The following RTN4R variants were observed in gnomAD, a reference collection of about 807,000 sequenced individuals.
The protein encoded by RTN4R is reticulon 4 receptor.
In RTN4R, 4 loss-of-function variants were observed where a neutral mutation model predicts 27.7. That is an observed-to-expected ratio of 0.14 (90% CI 0.07 to 0.33). The LOEUF (loss-of-function observed/expected upper bound fraction) is 0.33. Among genes scored for constraint, RTN4R ranks in the 10% least tolerant of loss-of-function variants. RTN4R has a pLI of 1.00. For missense variants in RTN4R, 554 were observed against 671.5 expected, an observed-to-expected ratio of 0.83 and a Z score of 1.93; for synonymous variants, 290 against 305.6, an observed-to-expected ratio of 0.95 and a Z score of 0.53.
intron 1 of RTN4R, among the ~76,000 whole-genome samples, chr22:20,266,553 C>T (rs1367722840): frequency 2.0e-5 from 3 of 152,214 alleles, no homozygotes; most frequent in African/African-American, 4.8e-5. Context: ...CCAAGGGTGC[C>T]CAGGGTCTGG....
rs2051291483 is a variant in RTN4R at position 20,268,261 on chromosome 22, GC to G, written c.-170del. Reference sequence around the variant, plus strand: ...TCCGCCCGGCTCTGGCTGGGCTCGGGCCGCGGGTGCGCAGGGCGCGCAGGGC... The same window carrying G: ...TCCGCCCGGCTCTGGCTGGGCTCGGGCGCGGGTGCGCAGGGCGCGCAGGGC... On this transcript the variant is annotated 5_prime_UTR_variant, in exon 1 of 2. Coordinates refer to ENST00000043402, the MANE Select transcript of RTN4R (RefSeq NM_023004.6). 3.4e-5 allele frequency: 1 copy of G among 29,390 alleles called. No homozygotes were observed. Among genetic ancestry groups the G allele is most frequent in the Non-Finnish European group, 4.9e-5 (1 of 20,264 alleles). The allele number at this position is 29,390 out of a possible 1,614,324, so 1.8% of individuals were successfully genotyped here.
At chr22:20,267,665 G>A (rs1244265139) in intron 1 of RTN4R, 3 of 464,260 alleles carry the variant, frequency 6.5e-6, no homozygotes, top group Non-Finnish European at 1.3e-5. Context: ...GAGGCGGCCC[G>A]ACACCCCCAC....
chr22:20,242,050 T>A lies in RTN4R; in HGVS notation c.1083A>T (p.Gly361=). ...RPASAGNALK[G]RVPPGDSPPG... is the part of the protein sequence containing the mutation. ...GCGGGCTGTCACCGGGCGGCACGCG[T>A]CCCTTCAGCGCATTGCCTGCCGAAG... Residue 361 remains glycine (G), a synonymous_variant, in exon 2 of 2, where the codon GGA becomes GGT. Coordinates refer to ENST00000043402, the MANE Select transcript of RTN4R (RefSeq NM_023004.6). 6.2e-7 allele frequency: 1 copy of A among 1,612,462 alleles called. No individual in the cohort carries two copies. The highest frequency in any genetic ancestry group is 8.5e-7 in the Non-Finnish European group (1 of 1,179,880).
At chr22:20,267,985 C>T (rs1370814069) in intron 1 of RTN4R, 86 bp downstream of exon 1, 9 of 757,216 alleles carry the variant, frequency 1.2e-5, no homozygotes, top group African/African-American at 1.9e-5. Flanking sequence ...CAGCCCGGGA[C>T]GGGCCCTGCG....
chr22:20,246,757 C>T (rs553782675), intron 1 of RTN4R, among the ~76,000 whole-genome samples: 2 of 152,264 alleles, frequency 1.3e-5, no homozygotes, highest in Non-Finnish European at 2.9e-5. Flanking sequence ...GGAGGCAGCA[C>T]AGGGCAGGCA....
In RTN4R at chr22:20,263,792, G is replaced by A. The variant is rs187031658; in HGVS notation, c.22+4279C>T. ...TTCTCCACCTCCTGGTCTGGCTGCT[G>A]TGGGTTGCCTCCATCGGACAGGACA... is the stretch of plus-strand genomic sequence containing the variant. On this transcript the variant is annotated intron_variant, in intron 1 of 1. Coordinates refer to ENST00000043402, the MANE Select transcript of RTN4R (RefSeq NM_023004.6). Among the ~76,000 whole-genome samples the A allele has an allele frequency of 7.0e-4, 107 of 152,388 alleles. 1 individual carries two copies. Among genetic ancestry groups the A allele is most frequent in the African/African-American group, 2.5e-3 (106 of 41,596 alleles).
intron 1 of RTN4R, among the ~76,000 whole-genome samples, chr22:20,260,284 C>T (rs2051237466): frequency 6.6e-6 from 1 of 152,158 alleles, no homozygotes; most frequent in Non-Finnish European, 1.5e-5. Flanking sequence ...CCTCGGGAGG[C>T]CCTGAGGAGA....
Position 20,265,247 on chromosome 22 carries a change from A to G in RTN4R, c.22+2824T>C, listed in dbSNP as rs538672604. 3.3e-5 allele frequency among the ~76,000 whole-genome samples: 5 copies of G among 152,264 alleles called. No homozygotes were observed. The East Asian group carries it at 5.8e-4, about 18-fold the overall frequency. On this transcript the variant is annotated intron_variant, in intron 1 of 1. Transcript: ENST00000043402. The stretch of plus-strand genomic sequence containing the variant: ...TGTTCCTGGGCAGAGGGAGGGGGAG[A>G]GCACGGTCCCACACACCCTGGCCCT...
At position 20,241,756 on chromosome 22, in the gene RTN4R, G is replaced by A. The variant is rs1275767808; in HGVS notation, c.1377C>T (p.Pro459=). 1 of 1,552,786 alleles carries A rather than the reference G, an allele frequency of 6.4e-7. No individual in the cohort carries two copies. The highest frequency in any genetic ancestry group is 8.7e-7 in the Non-Finnish European group (1 of 1,148,198). The part of the protein sequence containing the change: ...ALPSLTCSLT[P]LGLALVLWTV... Reference sequence around the variant, plus strand: ...TCCACAGCACCAGCGCCAGGCCCAGGGGGGTGAGGCTGCAGGTGAGGCTGG... The same window carrying A: ...TCCACAGCACCAGCGCCAGGCCCAGAGGGGTGAGGCTGCAGGTGAGGCTGG... The change falls in exon 2 of 2, where the codon CCC becomes CCT. Residue 459 remains proline, a synonymous_variant. Coordinates refer to ENST00000043402, the MANE Select transcript of RTN4R (RefSeq NM_023004.6).
At chr22:20,244,526 T>A (rs2051128845) in intron 1 of RTN4R, among the ~76,000 whole-genome samples, 1 of 152,180 alleles carries the variant, frequency 6.6e-6, no homozygotes, top group African/African-American at 2.4e-5. Flanking sequence ...CAGGGCCATT[T>A]GTTGGCTACC....
intron 1 of RTN4R, among the ~76,000 whole-genome samples, chr22:20,263,761 C>T (rs909237223): frequency 3.3e-5 from 5 of 152,278 alleles, no homozygotes; most frequent in African/African-American, 9.6e-5. Flanking sequence ...AACTGCCCTG[C>T]CTTTCTTCTC....
At chr22:20,243,998 G>A (rs980697282) in intron 1 of RTN4R, among the ~76,000 whole-genome samples, 1 of 152,178 alleles carries the variant, frequency 6.6e-6, no homozygotes, top group Admixed American at 6.5e-5. Flanking sequence ...TCTCACCAGC[G>A]GGGTCACCCA....
chr22:20,256,733 C>A (rs937929868), intron 1 of RTN4R, among the ~76,000 whole-genome samples: 1 of 152,270 alleles, frequency 6.6e-6, no homozygotes, highest in African/African-American at 2.4e-5. Flanking sequence ...GCTTCTCCGA[C>A]CCCGATCATG....
chr22:20,256,246 A>C (rs701422), intron 1 of RTN4R, among the ~76,000 whole-genome samples: 6,183 of 152,272 alleles, frequency 0.041, 181 homozygotes, highest in Non-Finnish European at 0.064. Flanking sequence ...AGCCCAGGGC[A>C]CAGAGGGGTC....
In RTN4R at chr22:20,257,028, G is replaced by A. The variant is rs115714416; in HGVS notation, c.22+11043C>T. ...ACCCTGGGCTTTGGGCTCCACAGGG[G>A]CTGGTGACCCGCATACAGGAGGTGC... On this transcript the variant is annotated intron_variant, in intron 1 of 1. Coordinates refer to ENST00000043402, the MANE Select transcript of RTN4R (RefSeq NM_023004.6). 9.2e-3 allele frequency among the ~76,000 whole-genome samples: 1,402 copies of A among 152,356 alleles called. 20 individuals are homozygous for A. Among genetic ancestry groups the A allele is most frequent in the African/African-American group, 0.032 (1,332 of 41,586 alleles).
chr22:20,251,197 AGG>A (rs2145977384), intron 1 of RTN4R, among the ~76,000 whole-genome samples: 1 of 152,300 alleles, frequency 6.6e-6, no homozygotes, highest in South Asian at 2.1e-4. Context: ...TGGGCTGGAC[AGG>A]GCCTGGAAAG....
intron 1 of RTN4R, among the ~76,000 whole-genome samples, chr22:20,245,145 G>A (rs906075331): frequency 6.6e-6 from 1 of 152,240 alleles, no homozygotes; most frequent in African/African-American, 2.4e-5. Flanking sequence ...CCACACGGTG[G>A]TGCGGGGTCG....
Position 20,255,123 on chromosome 22 carries a change from G to A in RTN4R, c.23-12013C>T, listed in dbSNP as rs189230714. ...GACAGTGGCTGCCTCCCAGGAGGAC[G>A]CGGGGCAGGGGCAGATTGAGCCCAT... On this transcript the variant is annotated intron_variant, in intron 1 of 1. Transcript: ENST00000043402. This position sits in a 1 kb window ranked among gnomAD's most constrained non-coding sequence, Gnocchi z 4.8. 3.3e-5 allele frequency among the ~76,000 whole-genome samples: 5 copies of A among 152,336 alleles called. No individual in the cohort carries two copies. The highest frequency in any genetic ancestry group is 3.3e-4 in the Admixed American group (5 of 15,312).
chr22:20,267,799 G>A lies in RTN4R; in HGVS notation c.22+272C>T, dbSNP rs374653893. On this transcript the variant is annotated intron_variant, in intron 1 of 1. Transcript: ENST00000043402. ...CCGCCCTCGACTTGGCCCAGCATCG[G>A]GGACCCTCGGACCGCCACCCTCGGC... 1,001 of 388,202 alleles carry A rather than the reference G, an allele frequency of 2.6e-3. 19 individuals carry two copies. The highest frequency in any genetic ancestry group is 0.021 in the South Asian group (976 of 45,916). The allele number at this position is 388,202 out of a possible 1,614,324, so 24.0% of individuals were successfully genotyped here.
Sources: gnomAD v4.1 joint callset for allele counts (sites outside exome capture counted in the v4.1 genomes callset) on GRCh38, gnomAD v4.1.1 for gene constraint, Gnocchi (gnomAD v3.1) non-coding constraint, MANE v1.5 for transcripts, NCBI Gene and HGNC (gene_info 2026-07-23, HGNC 2026-07-21) for gene names.